NXPE2: variants seen among roughly 807,000 people sequenced by gnomAD.
The protein encoded by NXPE2 is neurexophilin and PC-esterase domain family member 2, also known as NXPE family member 2.
A neutral mutation model predicts 34.4 loss-of-function variants in NXPE2; 34 were observed. That is an observed-to-expected ratio of 0.99 (90% CI 0.75 to 1.31). NXPE2 has a LOEUF of 1.31. Among genes scored for constraint, NXPE2 ranks in the 40% most tolerant of loss-of-function variants. NXPE2 has a pLI of 0.00. For synonymous variants in NXPE2, 235 were observed against 231.3 expected, an observed-to-expected ratio of 1.02 and a Z score of -0.15; for missense variants, 649 against 672.5, an observed-to-expected ratio of 0.97 and a Z score of 0.39.
At chr11:114,624,703 C>T in the NXPE2 span, among the ~76,000 whole-genome samples, 8,732 of 152,128 alleles carry the variant, frequency 0.057, 347 homozygotes, top group African/African-American at 0.097. Context: ...TCTAGGGTAA[C>T]CACTGTCTCC....
At chr11:114,599,647 T>C in the NXPE2 span, among the ~76,000 whole-genome samples, 1 of 152,302 alleles carries the variant, frequency 6.6e-6, no homozygotes, top group South Asian at 2.1e-4. Context: ...CTTTTACTCA[T>C]GGCAGAAGGC....
At chr11:114,472,250 G>T in the NXPE2 span, among the ~76,000 whole-genome samples, 1 of 152,142 alleles carries the variant, frequency 6.6e-6, no homozygotes, top group Non-Finnish European at 1.5e-5. Context: ...GTATTTGTTG[G>T]CTTGGTCTAG....
the NXPE2 span, among the ~76,000 whole-genome samples, chr11:114,765,731 T>G: frequency 1.3e-5 from 2 of 152,164 alleles, no homozygotes; most frequent in African/African-American, 4.8e-5. Context: ...GGGGTTCTCC[T>G]CCTATCCTCT....
chr11:114,791,665 A>T, the NXPE2 span, among the ~76,000 whole-genome samples: 1 of 152,248 alleles, frequency 6.6e-6, no homozygotes, highest in Non-Finnish European at 1.5e-5. Flanking sequence ...GTAAAATTGA[A>T]GCAAAGATGG....
the NXPE2 span, among the ~76,000 whole-genome samples, chr11:114,575,722 C>T: frequency 6.6e-6 from 1 of 152,138 alleles, no homozygotes; most frequent in African/African-American, 2.4e-5. Context: ...AATGGAAACA[C>T]ATCACATGCT....
the NXPE2 span, among the ~76,000 whole-genome samples, chr11:114,525,403 A>G: frequency 5.9e-4 from 90 of 152,092 alleles, no homozygotes; most frequent in Non-Finnish European, 9.3e-4. Flanking sequence ...GTTTTCCTGT[A>G]CTAGGCTGAC....
At chr11:114,668,533 A>G in the NXPE2 span, among the ~76,000 whole-genome samples, 1 of 152,112 alleles carries the variant, frequency 6.6e-6, no homozygotes, top group Non-Finnish European at 1.5e-5. Flanking sequence ...AAGGAACCTC[A>G]GCCTTCTCTA....
At chr11:114,679,317 T>TG (rs1950906705) in intron 1 of NXPE2, among the ~76,000 whole-genome samples, 1 of 11,262 alleles carries the variant, frequency 8.9e-5, no homozygotes, top group African/African-American at 3.8e-4. Context: ...ACGGTGGGGG[T>TG]GGGGTGGGGG....
intron 2 of NXPE2, among the ~76,000 whole-genome samples, chr11:114,684,121 C>A (rs1950998599): frequency 6.6e-6 from 1 of 152,132 alleles, no homozygotes; most frequent in Non-Finnish European, 1.5e-5. Flanking sequence ...TGGGAAAGAT[C>A]TGGCTTAGAA....
At chr11:114,640,142 A>C in the NXPE2 span, among the ~76,000 whole-genome samples, 1 of 107,564 alleles carries the variant, frequency 9.3e-6, no homozygotes, top group Non-Finnish European at 1.7e-5. Flanking sequence ...ATTATATATA[A>C]TATATGATAT....
chr11:114,512,984 G>C, the NXPE2 span: 1 of 351,728 alleles, frequency 2.8e-6, no homozygotes, highest in Non-Finnish European at 5.7e-6. Flanking sequence ...GCCCTCCAGA[G>C]AGTCAATGCT....
At chr11:114,464,545 A>T in the NXPE2 span, among the ~76,000 whole-genome samples, 1 of 152,202 alleles carries the variant, frequency 6.6e-6, no homozygotes, top group Non-Finnish European at 1.5e-5. Flanking sequence ...TGCATACAAA[A>T]ATCAGTTGCA....
chr11:114,475,226 G>GTTTTT, the NXPE2 span, among the ~76,000 whole-genome samples: 413 of 88,014 alleles, frequency 4.7e-3, 70 homozygotes, highest in Non-Finnish European at 6.6e-3. Flanking sequence ...AATGTGAACT[G>GTTTTT]TTTTTTTTTT....
At chr11:114,657,048 T>C in the NXPE2 span, among the ~76,000 whole-genome samples, 2 of 152,096 alleles carry the variant, frequency 1.3e-5, no homozygotes, top group Non-Finnish European at 2.9e-5. Flanking sequence ...GAGCTGAGAT[T>C]GCGCCACTGC....
At chr11:114,618,053 C>A in the NXPE2 span, among the ~76,000 whole-genome samples, 1 of 151,808 alleles carries the variant, frequency 6.6e-6, no homozygotes. Context: ...AACTCTTACC[C>A]TGTGGATAAT....
At chr11:114,810,895 T>C in the NXPE2 span, among the ~76,000 whole-genome samples, 1 of 152,236 alleles carries the variant, frequency 6.6e-6, no homozygotes, top group Admixed American at 6.5e-5. Context: ...ACACATATGT[T>C]TATAGTGGCA....
the NXPE2 span, chr11:114,580,249 C>A: frequency 6.2e-7 from 1 of 1,614,000 alleles, no homozygotes; most frequent in Non-Finnish European, 8.5e-7. Context: ...CTACAGGAGA[C>A]AGGATTCCAT....
chr11:114,481,595 A>G, the NXPE2 span, among the ~76,000 whole-genome samples: 1 of 152,208 alleles, frequency 6.6e-6, no homozygotes, highest in Non-Finnish European at 1.5e-5. Context: ...ATTTAAGGAA[A>G]TTCATAAAAT....
the NXPE2 span, among the ~76,000 whole-genome samples, chr11:114,665,176 A>G: frequency 6.6e-6 from 1 of 152,164 alleles, no homozygotes; most frequent in African/African-American, 2.4e-5. Context: ...TGATAATGCC[A>G]TTATCTTAGC....
Sources: allele counts gnomAD v4.1 joint callset (sites outside exome capture counted in the v4.1 genomes callset), GRCh38; gene constraint gnomAD v4.1.1; transcripts MANE v1.5; gene names NCBI Gene and HGNC (gene_info 2026-07-23, HGNC 2026-07-21).